Variants in GALNTL6 observed in about 807,000 individuals in gnomAD.
The protein encoded by GALNTL6 is polypeptide N-acetylgalactosaminyltransferase like 6.
In GALNTL6, 46 loss-of-function variants were observed where a neutral mutation model predicts 73.7. The observed-to-expected ratio is 0.62, with a 90% CI of 0.49 to 0.80. The LOEUF (loss-of-function observed/expected upper bound fraction) is 0.80. GALNTL6 is among the 30% of genes least tolerant of loss of function. The pLI is 0.00. For synonymous variants in GALNTL6, 259 were observed against 263.7 expected (o/e 0.98, Z 0.17); for missense variants, 604 against 755.0 (o/e 0.80, Z 2.34).
intron 2 of GALNTL6, among the ~76,000 whole-genome samples, chr4:172,184,146 T>C (rs1735346473): frequency 6.6e-6 from 1 of 152,204 alleles, no homozygotes; most frequent in Non-Finnish European, 1.5e-5. Flanking sequence ...ATGGAGATTC[T>C]GCCCCTCTCT....
intron 6 of GALNTL6, among the ~76,000 whole-genome samples, chr4:172,812,680 T>A (rs112335775): frequency 6.6e-6 from 1 of 152,074 alleles, no homozygotes; most frequent in Non-Finnish European, 1.5e-5. Flanking sequence ...AGGTTTAAAA[T>A]TGGATTGTTA....
At chr4:172,807,024 G>A (rs970918970) in intron 5 of GALNTL6, among the ~76,000 whole-genome samples, 1 of 152,158 alleles carries the variant, frequency 6.6e-6, no homozygotes, top group Admixed American at 6.5e-5. Context: ...GTCACTCATC[G>A]CTTAGTCATT....
At chr4:173,035,509 C>T (rs1753660794) in intron 12 of GALNTL6, among the ~76,000 whole-genome samples, 1 of 152,206 alleles carries the variant, frequency 6.6e-6, no homozygotes, top group Non-Finnish European at 1.5e-5. Context: ...ACCTATTGGT[C>T]TCCCCTATGT....
At chr4:171,972,549 C>G (rs1213123244) in intron 2 of GALNTL6, among the ~76,000 whole-genome samples, 2 of 151,820 alleles carry the variant, frequency 1.3e-5, no homozygotes, top group South Asian at 2.1e-4. Flanking sequence ...TAAATTATAC[C>G]TGGTCATATA....
chr4:173,002,468 T>C (rs1752084708), intron 10 of GALNTL6, among the ~76,000 whole-genome samples: 1 of 151,746 alleles, frequency 6.6e-6, no homozygotes, highest in Non-Finnish European at 1.5e-5. Flanking sequence ...CATATTTATA[T>C]ATGTATATAT....
chr4:172,408,416 A>C (rs1744311874), intron 5 of GALNTL6, among the ~76,000 whole-genome samples: 1 of 152,074 alleles, frequency 6.6e-6, no homozygotes, highest in South Asian at 2.1e-4. Context: ...GTCCCAACCT[A>C]TATTAGCATA....
chr4:172,526,800 A>G (rs1156967757), intron 5 of GALNTL6, among the ~76,000 whole-genome samples: 2 of 152,006 alleles, frequency 1.3e-5, no homozygotes, highest in African/African-American at 4.8e-5. Context: ...TCTTCTTTCT[A>G]ATCCCTATCC....
intron 9 of GALNTL6, 64 bp downstream of exon 9, chr4:172,931,332 C>A (rs916846998): frequency 1.1e-6 from 1 of 928,120 alleles, no homozygotes; most frequent in South Asian, 1.3e-5. Flanking sequence ...GAGTAACCAA[C>A]CTTGCCCATG....
intron 5 of GALNTL6, among the ~76,000 whole-genome samples, chr4:172,600,696 A>T (rs1738023391): frequency 6.6e-6 from 1 of 152,102 alleles, no homozygotes; most frequent in African/African-American, 2.4e-5. Flanking sequence ...GAGTGAACAG[A>T]CCTCATTAAA....
intron 4 of GALNTL6, among the ~76,000 whole-genome samples, chr4:172,336,270 G>GTTTTTTT (rs138448149): frequency 0.011 from 1,139 of 108,330 alleles, 250 homozygotes; most frequent in African/African-American, 0.02. Flanking sequence ...GTATAGTTTT[G>GTTTTTTT]TTTTGTTTTT....
chr4:172,575,319 A>G (rs1345638642), intron 5 of GALNTL6, among the ~76,000 whole-genome samples: 1 of 152,162 alleles, frequency 6.6e-6, no homozygotes, highest in East Asian at 1.9e-4. Context: ...TTGTTCCATC[A>G]TATGTTAAGA....
At chr4:172,540,190 A>G (rs1735500356) in intron 5 of GALNTL6, among the ~76,000 whole-genome samples, 1 of 151,458 alleles carries the variant, frequency 6.6e-6, no homozygotes, top group African/African-American at 2.4e-5. Flanking sequence ...AGCTGGGACT[A>G]CAGGCGTATG....
chr4:172,265,196 A>C (rs550638978), intron 3 of GALNTL6, among the ~76,000 whole-genome samples: 8 of 152,150 alleles, frequency 5.3e-5, no homozygotes, highest in African/African-American at 1.7e-4. Context: ...TCAAGGCGCA[A>C]CCGTGAGTCT....
chr4:172,479,719 A>C (rs2111479028), intron 5 of GALNTL6, among the ~76,000 whole-genome samples: 1 of 152,346 alleles, frequency 6.6e-6, no homozygotes, highest in East Asian at 1.9e-4. Flanking sequence ...AAAAGGAAAA[A>C]GAATCAGCTT....
chr4:172,207,094 G>A (rs1218320887), intron 2 of GALNTL6, among the ~76,000 whole-genome samples: 2 of 151,916 alleles, frequency 1.3e-5, no homozygotes, highest in Admixed American at 6.6e-5. Context: ...TGGGATTACA[G>A]GCCGCCGTGC....
intron 2 of GALNTL6, among the ~76,000 whole-genome samples, chr4:172,060,717 T>C (rs527458021): frequency 3.3e-5 from 5 of 152,290 alleles, no homozygotes; most frequent in African/African-American, 9.6e-5. Flanking sequence ...ACACACCCAC[T>C]ACCATTTCAG....
At chr4:172,851,276 G>A (rs953389173) in intron 7 of GALNTL6, among the ~76,000 whole-genome samples, 3 of 151,958 alleles carry the variant, frequency 2.0e-5, no homozygotes, top group African/African-American at 4.8e-5. Flanking sequence ...CAGGACCTGG[G>A]ATCAAAGACC....
chr4:172,893,354 G>T (rs866202954), intron 8 of GALNTL6, among the ~76,000 whole-genome samples: 1 of 151,640 alleles, frequency 6.6e-6, no homozygotes, highest in African/African-American at 2.4e-5. Context: ...GCGGGGGGGG[G>T]GTCTTCCCCT....
chr4:172,716,711 C>T (rs1735123169), intron 5 of GALNTL6, among the ~76,000 whole-genome samples: 1 of 152,140 alleles, frequency 6.6e-6, no homozygotes, highest in African/African-American at 2.4e-5. Context: ...AGTGTATGCA[C>T]TTGTAAAATG....
Sources: gnomAD v4.1 joint callset for allele counts (sites outside exome capture counted in the v4.1 genomes callset) on GRCh38, gnomAD v4.1.1 for gene constraint, MANE v1.5 for transcripts, NCBI Gene and HGNC (gene_info 2026-07-23, HGNC 2026-07-21) for gene names.